Variants in TXNRD1 observed in about 807,000 individuals in gnomAD.
TXNRD1 encodes thioredoxin reductase 1.
TXNRD1 carries 57 observed loss-of-function variants against 80.3 expected under a neutral mutation model. The observed-to-expected ratio is 0.71, with a 90% CI of 0.57 to 0.89. The LOEUF is 0.89. Ranked by LOEUF, TXNRD1 falls within the 40% of genes least tolerant of loss-of-function variation. The probability of loss-of-function intolerance (pLI) is 0.00; values close to 1 mark genes in which losing one functional copy is unlikely to be tolerated. For synonymous variants in TXNRD1, 291 were observed against 285.2 expected (o/e 1.02, Z -0.20); for missense variants, 730 against 803.0 (o/e 0.91, Z 1.10).
intron 14 of TXNRD1, among the ~76,000 whole-genome samples, chr12:104,332,198 A>G (rs2035975697): frequency 6.6e-6 from 1 of 152,186 alleles, no homozygotes. Context: ...CATGGAGTCA[A>G]AGAAAATGCA....
intron 4 of TXNRD1, among the ~76,000 whole-genome samples, chr12:104,296,831 G>T (rs143902959): frequency 1.4e-4 from 22 of 152,310 alleles, no homozygotes; most frequent in Admixed American, 3.9e-4. Flanking sequence ...ATTAAAAGCT[G>T]TATGACAGCA....
chr12:104,223,727 A>G (rs1230380631), intron 1 of TXNRD1, among the ~76,000 whole-genome samples: 1 of 152,212 alleles, frequency 6.6e-6, no homozygotes, highest in African/African-American at 2.4e-5. Flanking sequence ...GCACTGGGAA[A>G]AAGTGGTAAA....
intron 10 of TXNRD1, among the ~76,000 whole-genome samples, chr12:104,323,819 C>CT (rs929511628): frequency 6.6e-6 from 1 of 151,386 alleles, no homozygotes; most frequent in East Asian, 1.9e-4. Context: ...GACCCCCCCC[C>CT]ACCTCCCTCC....
At chr12:104,340,318 T>C (rs2036277955) in intron 16 of TXNRD1, among the ~76,000 whole-genome samples, 1 of 152,248 alleles carries the variant, frequency 6.6e-6, no homozygotes, top group Admixed American at 6.5e-5. Flanking sequence ...ATAGATCTTT[T>C]ATTCAGTGTA....
At chr12:104,252,553 AGGG>A (rs1748057071) in intron 2 of TXNRD1, among the ~76,000 whole-genome samples, 1 of 150,346 alleles carries the variant, frequency 6.7e-6, no homozygotes, top group Non-Finnish European at 1.5e-5. Flanking sequence ...AGGAAGGCTG[AGGG>A]CATTTAAATG....
intron 3 of TXNRD1, chr12:104,265,562 A>G: frequency 6.2e-7 from 1 of 1,608,102 alleles, no homozygotes; most frequent in Middle Eastern, 2.0e-4. Flanking sequence ...CTGCGCTATG[A>G]CTCCCGGAGC....
chr12:104,319,466 G>T lies in TXNRD1; in HGVS notation c.874-4G>T. ...ATAAGGTTTTCATATTGGTTCCTTT[G>T]TAGGCAACAAATAATAAAGGCAAAG... On this transcript the variant is annotated splice_region_variant and splice_polypyrimidine_tract_variant and intron_variant, in intron 8 of 16. Coordinates refer to ENST00000525566, the MANE Select transcript of TXNRD1 (RefSeq NM_001093771.3). The T allele has an allele frequency of 6.4e-7, 1 of 1,552,526 alleles. No homozygotes were observed. The highest frequency in any genetic ancestry group is 8.8e-7 in the Non-Finnish European group (1 of 1,141,560).
intron 7 of TXNRD1, among the ~76,000 whole-genome samples, chr12:104,318,076 G>A (rs1345342754): frequency 2.0e-5 from 3 of 152,194 alleles, no homozygotes. Context: ...TGGGTTGAGG[G>A]GTACGGAGGT....
At position 104,313,204 on chromosome 12, in the gene TXNRD1, T is replaced by C. The variant is rs1285731161; in HGVS notation, c.538-41T>C. 2.7e-6 allele frequency: 4 copies of C among 1,496,420 alleles called. No homozygotes were observed. The South Asian group carries it at 3.6e-5, about 14-fold the overall frequency. The allele number at this position is 1,496,420 out of a possible 1,614,324, so 92.7% of individuals were successfully genotyped here. ...TTAACAGCCCATTTCCAATCTGTCATGTTAACCTTTCCAACTCACTTTAAT... is the reference window on the plus strand; with the variant it reads ...TTAACAGCCCATTTCCAATCTGTCACGTTAACCTTTCCAACTCACTTTAAT... On this transcript the variant is annotated intron_variant, in intron 5 of 16. Coordinates refer to ENST00000525566, the MANE Select transcript of TXNRD1 (RefSeq NM_001093771.3).
At chr12:104,282,378 C>T (rs1261545422) in intron 3 of TXNRD1, among the ~76,000 whole-genome samples, 1 of 152,162 alleles carries the variant, frequency 6.6e-6, no homozygotes, top group Non-Finnish European at 1.5e-5. Flanking sequence ...GAGTGCTTTT[C>T]CCCCTAGCCC....
chr12:104,280,217 C>T (rs1197388186), intron 3 of TXNRD1: 2 of 152,042 alleles, frequency 1.3e-5, no homozygotes, highest in Non-Finnish European at 2.9e-5. Flanking sequence ...TCTTGCTGAA[C>T]TTCTTCTAAT....
intron 1 of TXNRD1, among the ~76,000 whole-genome samples, chr12:104,249,827 C>T (rs111491808): frequency 2.9e-4 from 44 of 150,640 alleles, no homozygotes; most frequent in African/African-American, 9.8e-4. Context: ...CCCAGCTACT[C>T]GCGAGGCTGA....
chr12:104,260,567 A>T (rs1171041381), intron 3 of TXNRD1, among the ~76,000 whole-genome samples: 4 of 152,212 alleles, frequency 2.6e-5, no homozygotes, highest in Non-Finnish European at 5.9e-5. Context: ...AGGCCCATGT[A>T]ATTCTGAAGC....
chr12:104,261,679 G>T (rs914431942), intron 3 of TXNRD1, among the ~76,000 whole-genome samples: 1 of 152,006 alleles, frequency 6.6e-6, no homozygotes, highest in African/African-American at 2.4e-5. Flanking sequence ...AGCAAATATG[G>T]GAATCTAGTT....
chr12:104,253,176 T>G (rs993281341), intron 2 of TXNRD1, among the ~76,000 whole-genome samples: 1 of 152,076 alleles, frequency 6.6e-6, no homozygotes, highest in African/African-American at 2.4e-5. Context: ...GTTCTGCATG[T>G]GTGTGTGTCT....
chr12:104,259,929 A>G (rs1392550494), intron 3 of TXNRD1, among the ~76,000 whole-genome samples: 1 of 152,234 alleles, frequency 6.6e-6, no homozygotes, highest in Non-Finnish European at 1.5e-5. Flanking sequence ...CCTGTTTTAC[A>G]TGGACTATGC....
intron 16 of TXNRD1, among the ~76,000 whole-genome samples, chr12:104,343,194 T>C: frequency 6.6e-6 from 1 of 152,136 alleles, no homozygotes; most frequent in East Asian, 1.9e-4. Context: ...AGTATATCTA[T>C]TTGACAGACG....
At chr12:104,347,732 A>G (rs996825271) in intron 16 of TXNRD1, among the ~76,000 whole-genome samples, 12 of 152,232 alleles carry the variant, frequency 7.9e-5, no homozygotes, top group African/African-American at 2.9e-4. Context: ...ACTACAATAT[A>G]CACCATATAT....
At chr12:104,325,116 C>G (rs985890761) in intron 10 of TXNRD1, among the ~76,000 whole-genome samples, 6 of 152,112 alleles carry the variant, frequency 3.9e-5, no homozygotes, top group African/African-American at 1.4e-4. Context: ...TTTGAGAACT[C>G]TTTCAAAGAA....
Sources: gnomAD v4.1 joint callset for allele counts (sites outside exome capture counted in the v4.1 genomes callset) on GRCh38, gnomAD v4.1.1 for gene constraint, MANE v1.5 for transcripts, NCBI Gene and HGNC (gene_info 2026-07-23, HGNC 2026-07-21) for gene names.